The following KATNBL1 variants were observed in gnomAD, a reference collection of about 807,000 sequenced individuals.
KATNBL1 encodes the protein katanin regulatory subunit B1 like 1.
KATNBL1 carries 28 observed loss-of-function variants against 44.7 expected under a neutral mutation model. That is an observed-to-expected ratio of 0.63 (90% CI 0.46 to 0.86). KATNBL1 has a LOEUF of 0.86. KATNBL1 is among the 40% of genes least tolerant of loss of function. The pLI, the probability that KATNBL1 is intolerant of heterozygous loss-of-function variation, is 0.00. For missense variants in KATNBL1, 272 were observed against 350.7 expected (o/e 0.78, Z 1.79); for synonymous variants, 78 against 114.9 (o/e 0.68, Z 2.06).
intron 1 of KATNBL1, among the ~76,000 whole-genome samples, chr15:34,177,439 G>A (rs999467171): frequency 2.0e-5 from 3 of 152,012 alleles, no homozygotes; most frequent in African/African-American, 7.2e-5. Flanking sequence ...GAGGTCAGGA[G>A]TTTGAGATGA....
intron 8 of KATNBL1, 97 bp from the exon 9 acceptor site, chr15:34,145,588 T>C (rs1481536361): frequency 9.9e-6 from 11 of 1,111,170 alleles, no homozygotes; most frequent in Non-Finnish European, 1.3e-5. Context: ...CTAAAATTTT[T>C]CAGGTATTTT....
chr15:34,173,624 A>G (rs1005267607), intron 1 of KATNBL1, among the ~76,000 whole-genome samples: 1 of 152,172 alleles, frequency 6.6e-6, no homozygotes, highest in Non-Finnish European at 1.5e-5. Context: ...TGATTATGAA[A>G]GAAGGTCCCA....
intron 4 of KATNBL1, among the ~76,000 whole-genome samples, chr15:34,152,301 A>G (rs900548310): frequency 6.6e-6 from 1 of 151,728 alleles, no homozygotes; most frequent in African/African-American, 2.4e-5. Context: ...CCCGGGTTCA[A>G]GCGATTCTCC....
rs530156800 is a variant in KATNBL1 at position 34,146,990 on chromosome 15, T to C, written c.699-140A>G. ...AAAAATTGTTACCTTCATGATCTAT[T>C]ACACAAAAGTATATTTCATGTAATT... On this transcript the variant is annotated intron_variant, in intron 7 of 9. Coordinates refer to ENST00000256544, the MANE Select transcript of KATNBL1 (RefSeq NM_024713.3). 8.4e-5 allele frequency: 55 copies of C among 651,644 alleles called. 1 individual carries two copies. The East Asian group carries it at 1.5e-3, about 18-fold the overall frequency. The allele number at this position is 651,644 out of a possible 1,614,324, so 40.4% of individuals were successfully genotyped here. A position where few individuals can be genotyped will look rare whatever the true frequency, so the allele number is the denominator to read the frequency against.
intron 3 of KATNBL1, 88 bp downstream of exon 3, chr15:34,154,556 G>A: frequency 1.2e-6 from 1 of 811,428 alleles, no homozygotes; most frequent in South Asian, 1.5e-5. Flanking sequence ...TTATTATTAT[G>A]ATAAAAGAAT....
At chr15:34,202,718 C>G (rs760008067) in intron 1 of KATNBL1, among the ~76,000 whole-genome samples, 1 of 152,212 alleles carries the variant, frequency 6.6e-6, no homozygotes, top group Non-Finnish European at 1.5e-5. Flanking sequence ...CGGCCAGGCG[C>G]GGTGGTTCAC....
chr15:34,162,516 C>A (rs984328635), intron 2 of KATNBL1, among the ~76,000 whole-genome samples: 2 of 152,200 alleles, frequency 1.3e-5, no homozygotes, highest in Admixed American at 1.3e-4. Context: ...AATAATACAA[C>A]ATCCAGCTCC....
intron 9 of KATNBL1, among the ~76,000 whole-genome samples, chr15:34,143,793 CAAAAAAAAAAA>C (rs560420668): frequency 1.6e-5 from 1 of 64,178 alleles, no homozygotes; most frequent in Non-Finnish European, 2.9e-5. Flanking sequence ...ACTAAAAATA[CAAAAAAAAAAA>C]AAAAAAAAAA....
chr15:34,165,868 C>T (rs1888954418), intron 1 of KATNBL1: 1 of 152,082 alleles, frequency 6.6e-6, no homozygotes, highest in African/African-American at 2.4e-5. Context: ...AAGCCAGATC[C>T]TAAATTGGCA....
At chr15:34,207,347 T>C (rs1890321791) in intron 1 of KATNBL1, among the ~76,000 whole-genome samples, 1 of 152,176 alleles carries the variant, frequency 6.6e-6, no homozygotes, top group Non-Finnish European at 1.5e-5. Flanking sequence ...TAGCTGGAAC[T>C]ACAGGCGTGT....
intron 9 of KATNBL1, chr15:34,144,997 A>G (rs1888266128): frequency 5.0e-6 from 4 of 802,252 alleles, no homozygotes; most frequent in African/African-American, 3.7e-5. Flanking sequence ...CCTTCTCAAA[A>G]AGCATAACAT....
At chr15:34,166,953 A>T (rs576879059) in intron 1 of KATNBL1, among the ~76,000 whole-genome samples, 1 of 152,338 alleles carries the variant, frequency 6.6e-6, no homozygotes, top group East Asian at 1.9e-4. Flanking sequence ...CACCAACATC[A>T]AACACCAAAG....
rs73376173 is a variant in KATNBL1 at position 34,150,794 on chromosome 15, T to G, written c.438+1996A>C. ...CCTAAGGTAGGCCTCATGTCTGTTGTTCCCATCTTTGTGTCCATATGCACT... is the reference window on the plus strand; with the variant it reads ...CCTAAGGTAGGCCTCATGTCTGTTGGTCCCATCTTTGTGTCCATATGCACT... On this transcript the variant is annotated intron_variant, in intron 4 of 9. Transcript: ENST00000256544. 8.5e-5 allele frequency among the ~76,000 whole-genome samples: 13 copies of G among 152,302 alleles called. No individual in the cohort carries two copies. The East Asian group carries it at 2.5e-3, about 29-fold the overall frequency.
chr15:34,180,385 T>C (rs112669156), intron 1 of KATNBL1, among the ~76,000 whole-genome samples: 1,863 of 152,338 alleles, frequency 0.012, 14 homozygotes, highest in Middle Eastern at 0.044. Flanking sequence ...CATCACCATT[T>C]AGCTCTTTCG....
At chr15:34,181,734 A>ATC (rs1491372902) in intron 1 of KATNBL1, among the ~76,000 whole-genome samples, 1 of 97,272 alleles carries the variant, frequency 1.0e-5, no homozygotes, top group African/African-American at 3.9e-5. Context: ...GTCCATATAT[A>ATC]CACATATATA....
intron 5 of KATNBL1, 123 bp from the exon 6 acceptor site, chr15:34,147,553 A>G (rs1427966206): frequency 1.8e-6 from 1 of 570,186 alleles, no homozygotes; most frequent in African/African-American, 2.0e-5. Flanking sequence ...ATCTACAATG[A>G]GTCATGTCTG....
chr15:34,154,055 A>T (rs908557632), intron 3 of KATNBL1, among the ~76,000 whole-genome samples: 2 of 152,222 alleles, frequency 1.3e-5, no homozygotes, highest in African/African-American at 2.4e-5. Context: ...ATTTTTATAT[A>T]TCTCTAATAT....
At chr15:34,187,050 C>T (rs1597455719) in intron 1 of KATNBL1, among the ~76,000 whole-genome samples, 1 of 152,178 alleles carries the variant, frequency 6.6e-6, no homozygotes, top group East Asian at 1.9e-4. Context: ...ACAAAGATGG[C>T]AGAGAGATGA....
At chr15:34,193,874 A>AAAAAG (rs1889959573) in intron 1 of KATNBL1, among the ~76,000 whole-genome samples, 1 of 151,094 alleles carries the variant, frequency 6.6e-6, no homozygotes. Context: ...AAAAAAAAAA[A>AAAAAG]AAAAAATCAC....
Sources: gnomAD v4.1 joint callset for allele counts (sites outside exome capture counted in the v4.1 genomes callset) on GRCh38, gnomAD v4.1.1 for gene constraint, MANE v1.5 for transcripts, NCBI Gene and HGNC (gene_info 2026-07-23, HGNC 2026-07-21) for gene names.